Variants in DDX19B observed in about 807,000 individuals in gnomAD.
DDX19B encodes DEAD-box helicase 19B, also known as ATP-dependent RNA helicase DDX19B.
Under a neutral mutation model 58.1 loss-of-function variants are expected in DDX19B, and 27 were observed. That is an observed-to-expected ratio of 0.46 (90% CI 0.34 to 0.64). The LOEUF is 0.64. Ranked by LOEUF, DDX19B falls within the 30% of genes least tolerant of loss-of-function variation. The probability of loss-of-function intolerance (pLI) is 0.01; values close to 1 mark genes in which losing one functional copy is unlikely to be tolerated. For missense variants in DDX19B, 399 were observed against 596.5 expected (o/e 0.67, Z 3.45); for synonymous variants, 187 against 214.4 (o/e 0.87, Z 1.12).
At chr16:70,307,466 G>A (rs34270587) in intron 1 of DDX19B, among the ~76,000 whole-genome samples, 44,035 of 151,038 alleles carry the variant, frequency 0.29, 7,971 homozygotes, top group Non-Finnish European at 0.39. Context: ...GGGTTTAAGC[G>A]ATTCTCATGC....
At chr16:70,320,056 G>C (rs1370494013) in intron 5 of DDX19B, among the ~76,000 whole-genome samples, 37 of 151,846 alleles carry the variant, frequency 2.4e-4, no homozygotes, top group Non-Finnish European at 5.9e-5. Flanking sequence ...TTATTACATG[G>C]TTTCATACTG....
At chr16:70,324,449 C>G in intron 5 of DDX19B, 136 bp from the exon 6 acceptor site, 5 of 515,968 alleles carry the variant, frequency 9.7e-6, no homozygotes, top group South Asian at 7.8e-5. Flanking sequence ...GTGCCCTGTT[C>G]TTGTGAAGCT....
rs1419798336 is a variant in DDX19B, at chr16:70,332,971, T to C, written c.1190T>C (p.Ile397Thr). The change falls in exon 11 of 12, where the codon ATT becomes ACT. Residue 397 changes from isoleucine to threonine, a missense_variant. Transcript: ENST00000288071. ...CCTCCAACTCTCCTTCCTGCAGGCA[T>C]TGATGTTGAACAAGTGTCTGTCGTC... ...LVTTNVCARG[I>T]DVEQVSVVIN... The C allele has an allele frequency of 4.3e-6, 7 of 1,613,724 alleles. No homozygotes were observed. The highest frequency in any genetic ancestry group is 1.3e-5 in the African/African-American group (1 of 74,854).
At chr16:70,298,698 A>G (rs1447994820), upstream of DDX19B, among the ~76,000 whole-genome samples, 3 of 151,970 alleles carry the variant, frequency 2.0e-5, no homozygotes, top group Non-Finnish European at 2.9e-5. Context: ...ACGCTTACAT[A>G]GGAGAGCTGC....
upstream of DDX19B, among the ~76,000 whole-genome samples, chr16:70,296,725 T>C (rs1404508110): frequency 6.6e-6 from 1 of 152,092 alleles, no homozygotes; most frequent in Non-Finnish European, 1.5e-5. Flanking sequence ...CACATCCTCA[T>C]GTGTAAGGTC....
intron 5 of DDX19B, among the ~76,000 whole-genome samples, chr16:70,323,222 T>C (rs2152207561): frequency 1.3e-5 from 2 of 152,022 alleles, no homozygotes; most frequent in East Asian, 3.9e-4. Context: ...TCCTCACATG[T>C]CAGCCTCCCA....
Position 70,316,366 on chromosome 16 carries a change from C to T in DDX19B, c.296+262C>T, listed in dbSNP as rs8047933. On this transcript the variant is annotated intron_variant, in intron 4 of 11. Transcript: ENST00000288071. ...CTGAGATTACAGGTGCACACCACCACGCCTGGCTACTTTTTGTATTTGTAG... is the reference window on the plus strand; with the variant it reads ...CTGAGATTACAGGTGCACACCACCATGCCTGGCTACTTTTTGTATTTGTAG... Among the ~76,000 whole-genome samples, 763 of 152,134 alleles carry T rather than the reference C, an allele frequency of 5.0e-3. 3 individuals are homozygous for T. Among genetic ancestry groups the T allele is most frequent in the African/African-American group, 0.017 (721 of 41,524 alleles).
intron 5 of DDX19B, among the ~76,000 whole-genome samples, chr16:70,320,256 G>A (rs986641535): frequency 4.0e-5 from 6 of 151,882 alleles, no homozygotes; most frequent in East Asian, 1.9e-4. Flanking sequence ...CTACAGGCAC[G>A]TGCTGCCATG....
intron 2 of DDX19B, 76 bp downstream of exon 2, chr16:70,312,733 G>A: frequency 7.5e-7 from 1 of 1,330,326 alleles, no homozygotes; most frequent in Non-Finnish European, 1.1e-6. Context: ...CAACTGTCTG[G>A]AAAAAAATTT....
chr16:70,315,731 A>C (rs1180120441), intron 3 of DDX19B: 1 of 440,562 alleles, frequency 2.3e-6, no homozygotes, highest in African/African-American at 1.9e-5. Context: ...AGATAACTGC[A>C]GGAAAAGAGG....
At chr16:70,311,968 A>T (rs939103761) in intron 1 of DDX19B, among the ~76,000 whole-genome samples, 1 of 151,980 alleles carries the variant, frequency 6.6e-6, no homozygotes, top group African/African-American at 2.4e-5. Context: ...CAGCCTCCCA[A>T]GTAGCTGGCA....
chr16:70,309,493 T>C (rs970995126), intron 1 of DDX19B, among the ~76,000 whole-genome samples: 1 of 148,000 alleles, frequency 6.8e-6, no homozygotes, highest in African/African-American at 2.5e-5. Flanking sequence ...AGACTCCATC[T>C]CAAAAAACAA....
chr16:70,317,596 T>C lies in DDX19B; in HGVS notation c.389+8T>C. 1.2e-6 allele frequency: 2 copies of C among 1,601,780 alleles called. No individual in the cohort carries two copies. Among genetic ancestry groups the C allele is most frequent in the Non-Finnish European group, 1.7e-6 (2 of 1,172,502 alleles). ...ACTGATGCTTGCTGAGCCGTATGTG[T>C]CCTATTACAACTCCATTTCATTTTA... On this transcript the variant is annotated splice_region_variant and intron_variant, in intron 5 of 11. Coordinates refer to ENST00000288071, the MANE Select transcript of DDX19B (RefSeq NM_007242.7).
At chr16:70,320,868 T>A (rs2152204608) in intron 5 of DDX19B, among the ~76,000 whole-genome samples, 2 of 151,536 alleles carry the variant, frequency 1.3e-5, no homozygotes, top group Admixed American at 1.3e-4. Flanking sequence ...AATTTTTATA[T>A]TTTTATCAGA....
chr16:70,298,337 T>G (rs1251376725), upstream of DDX19B, among the ~76,000 whole-genome samples: 1 of 151,692 alleles, frequency 6.6e-6, no homozygotes, highest in African/African-American at 2.4e-5. Context: ...ACCCAGGAGG[T>G]GGAGGTTGCA....
chr16:70,303,122 A>C (rs547402003), intron 1 of DDX19B, among the ~76,000 whole-genome samples: 86 of 152,148 alleles, frequency 5.7e-4, no homozygotes, highest in African/African-American at 2.0e-3. Flanking sequence ...TCTGGATAGA[A>C]GTTCTGTTTT....
chr16:70,306,705 T>C (rs1321150416), intron 1 of DDX19B, among the ~76,000 whole-genome samples: 1 of 152,234 alleles, frequency 6.6e-6, no homozygotes, highest in African/African-American at 2.4e-5. Context: ...TCCTGCATTT[T>C]ATGAAACAGA....
In DDX19B at chr16:70,330,010, A is replaced by G; in HGVS notation, c.965A>G (p.Gln322Arg). 1 of 1,614,130 alleles carries G rather than the reference A, an allele frequency of 6.2e-7. No individual in the cohort carries two copies. Among genetic ancestry groups the G allele is most frequent in the East Asian group, 2.2e-5 (1 of 44,878 alleles). ...TGCAGCAGCAGAGACGAGAAGTTCC[A>G]GGCCTTGTGTAACCTCTACGGGGCC... The part of the protein sequence containing the change: ...VLCSSRDEKF[Q>R]ALCNLYGAIT... Residue 322 changes from glutamine (Q) to arginine (R), a missense_variant, in exon 9 of 12, where the codon CAG (glutamine) becomes CGG (arginine). Physicochemically the swap from Gln to Arg is conservative, Grantham distance 43. Coordinates refer to ENST00000288071, the MANE Select transcript of DDX19B (RefSeq NM_007242.7).
upstream of DDX19B, among the ~76,000 whole-genome samples, chr16:70,290,530 AAAAAAAT>A (rs1052399506): frequency 1.3e-5 from 2 of 152,054 alleles, no homozygotes; most frequent in Non-Finnish European, 2.9e-5. Flanking sequence ...CGTCTCAAAA[AAAAAAAT>A]AAAAAATAAA....
Sources: gnomAD v4.1 joint callset for allele counts (sites outside exome capture counted in the v4.1 genomes callset) on GRCh38, gnomAD v4.1.1 for gene constraint, MANE v1.5 for transcripts, NCBI Gene and HGNC (gene_info 2026-07-23, HGNC 2026-07-21) for gene names.